The following ANO3 variants were observed in gnomAD, a reference collection of about 807,000 sequenced individuals.
ANO3 encodes anoctamin-3.
In ANO3, 99 loss-of-function variants were observed where a neutral mutation model predicts 144.8. The observed-to-expected ratio is 0.68, with a 90% CI of 0.58 to 0.81. The LOEUF (loss-of-function observed/expected upper bound fraction) is 0.81, where lower values mean the gene tolerates loss of function less well. Among genes scored for constraint, ANO3 ranks in the 30% least tolerant of loss-of-function variants. ANO3 has a pLI of 0.00. For synonymous variants in ANO3, 414 were observed against 392.6 expected (o/e 1.05, Z -0.64); for missense variants, 905 against 1,202.2 (o/e 0.75, Z 3.66).
intron 1 of ANO3, among the ~76,000 whole-genome samples, chr11:26,416,655 G>A (rs1201948551): frequency 6.6e-6 from 1 of 151,998 alleles, no homozygotes; most frequent in Non-Finnish European, 1.5e-5. Context: ...TCGATCTCCT[G>A]ACCTGGTGAT....
intron 4 of ANO3, among the ~76,000 whole-genome samples, chr11:26,481,738 G>T (rs970822362): frequency 6.6e-6 from 1 of 152,096 alleles, no homozygotes; most frequent in African/African-American, 2.4e-5. Context: ...CAAAGGGAAA[G>T]AATGTCTATA....
At chr11:26,344,132 CTGTTA>C (rs994683568) in intron 1 of ANO3, among the ~76,000 whole-genome samples, 2 of 151,970 alleles carry the variant, frequency 1.3e-5, no homozygotes, top group Non-Finnish European at 2.9e-5. Flanking sequence ...TGATTATGAC[CTGTTA>C]TGCTGATAAA....
intron 1 of ANO3, among the ~76,000 whole-genome samples, chr11:26,401,055 A>G (rs1031892712): frequency 6.6e-6 from 1 of 152,064 alleles, no homozygotes; most frequent in African/African-American, 2.4e-5. Flanking sequence ...ACCTTTGGAT[A>G]TGCATCGTGT....
At chr11:26,480,464 A>G (rs79264100) in intron 4 of ANO3, among the ~76,000 whole-genome samples, 1 of 152,166 alleles carries the variant, frequency 6.6e-6, no homozygotes, top group African/African-American at 2.4e-5. Flanking sequence ...TCTTTTATGT[A>G]TTTCATAGTA....
At chr11:26,387,709 T>A (rs2133958337) in intron 1 of ANO3, among the ~76,000 whole-genome samples, 1 of 152,304 alleles carries the variant, frequency 6.6e-6, no homozygotes, top group Middle Eastern at 3.4e-3. Context: ...CTTTGGGTTA[T>A]CTTTTTATGC....
chr11:26,411,256 G>A (rs1259540098), intron 1 of ANO3, among the ~76,000 whole-genome samples: 1 of 151,928 alleles, frequency 6.6e-6, no homozygotes, highest in African/African-American at 2.4e-5. Flanking sequence ...ATGTAGTTTA[G>A]GGTCTAATGG....
chr11:26,597,584 C>T (rs1851672375), intron 14 of ANO3, among the ~76,000 whole-genome samples: 1 of 152,114 alleles, frequency 6.6e-6, no homozygotes, highest in African/African-American at 2.4e-5. Context: ...CGAGCCGTAA[C>T]AAACACGGAC....
intron 7 of ANO3, among the ~76,000 whole-genome samples, chr11:26,530,271 G>A (rs1849329794): frequency 6.6e-6 from 1 of 152,128 alleles, no homozygotes; most frequent in African/African-American, 2.4e-5. Flanking sequence ...TACGTGGCTA[G>A]CACAGTGCAA....
chr11:26,500,253 G>T (rs1861139414), intron 4 of ANO3, among the ~76,000 whole-genome samples: 1 of 151,840 alleles, frequency 6.6e-6, no homozygotes, highest in Non-Finnish European at 1.5e-5. Context: ...TATGAATAAT[G>T]TTTTTATGAA....
At chr11:26,252,577 T>C (rs1201651104) in intron 1 of ANO3, among the ~76,000 whole-genome samples, 1 of 152,194 alleles carries the variant, frequency 6.6e-6, no homozygotes, top group East Asian at 1.9e-4. Flanking sequence ...TATTCCTAAT[T>C]ATTTAATCTA....
At chr11:26,555,632 C>T (rs1473199075) in intron 13 of ANO3, among the ~76,000 whole-genome samples, 2 of 152,112 alleles carry the variant, frequency 1.3e-5, no homozygotes, top group Non-Finnish European at 2.9e-5. Context: ...TGGAAGAATA[C>T]AAGAAATACA....
intron 4 of ANO3, among the ~76,000 whole-genome samples, chr11:26,486,324 G>A (rs1376407749): frequency 7.4e-6 from 1 of 134,920 alleles, no homozygotes; most frequent in Non-Finnish European, 1.5e-5. Context: ...TCATGCCACT[G>A]CACTCCAGTC....
intron 23 of ANO3, among the ~76,000 whole-genome samples, chr11:26,646,142 A>G (rs1341910714): frequency 6.6e-6 from 1 of 152,164 alleles, no homozygotes; most frequent in Non-Finnish European, 1.5e-5. Context: ...AGAAATATAC[A>G]AAAAATATAT....
intron 1 of ANO3, among the ~76,000 whole-genome samples, chr11:26,437,162 C>T (rs894957799): frequency 2.0e-5 from 3 of 152,180 alleles, no homozygotes; most frequent in East Asian, 1.9e-4. Context: ...CTGCTCAGCC[C>T]CCTGGACTCA....
intron 1 of ANO3, among the ~76,000 whole-genome samples, chr11:26,199,340 A>C (rs542536475): frequency 2.0e-5 from 3 of 152,094 alleles, no homozygotes; most frequent in Non-Finnish European, 4.4e-5. Flanking sequence ...TAAAGAGAAA[A>C]TTTTATTTAA....
At chr11:26,593,020 G>C (rs1386462572) in intron 14 of ANO3, among the ~76,000 whole-genome samples, 1 of 152,004 alleles carries the variant, frequency 6.6e-6, no homozygotes, top group African/African-American at 2.4e-5. Context: ...TTCAATATCT[G>C]CTTGGTGGTT....
intron 1 of ANO3, among the ~76,000 whole-genome samples, chr11:26,301,149 G>A (rs1303241081): frequency 7.4e-6 from 1 of 134,328 alleles, no homozygotes; most frequent in Non-Finnish European, 1.5e-5. Context: ...ACCACGCCCA[G>A]CCTCTTTACT....
chr11:26,498,492 T>G (rs1208769539), intron 4 of ANO3, among the ~76,000 whole-genome samples: 2 of 150,852 alleles, frequency 1.3e-5, no homozygotes, highest in Non-Finnish European at 3.0e-5. Flanking sequence ...ATTGTTATTA[T>G]GAATATAGTC....
chr11:26,442,183 C>A, intron 2 of ANO3, 71 bp downstream of exon 2: 2 of 1,470,376 alleles, frequency 1.4e-6, no homozygotes, highest in Non-Finnish European at 1.9e-6. Flanking sequence ...CCTTTCCTTC[C>A]TTTTTCCATT....
Sources: allele counts gnomAD v4.1 joint callset (sites outside exome capture counted in the v4.1 genomes callset), GRCh38; gene constraint gnomAD v4.1.1; transcripts MANE v1.5; gene names NCBI Gene and HGNC (gene_info 2026-07-23, HGNC 2026-07-21).